The following GOLM2 variants were observed in gnomAD, a reference collection of about 807,000 sequenced individuals.
The protein encoded by GOLM2 is golgi membrane protein 2.
GOLM2 carries 26 observed loss-of-function variants against 55.9 expected under a neutral mutation model. That is an observed-to-expected ratio of 0.47 (90% CI 0.34 to 0.65). The LOEUF is 0.65. GOLM2 is among the 30% of genes least tolerant of loss of function. The pLI is 0.01. For synonymous variants in GOLM2, 165 were observed against 194.6 expected, an observed-to-expected ratio of 0.85 and a Z score of 1.27; for missense variants, 486 against 531.8, an observed-to-expected ratio of 0.91 and a Z score of 0.85.
intron 8 of GOLM2, chr15:44,387,287 T>C (rs540555337): frequency 6.6e-6 from 1 of 152,176 alleles, no homozygotes; most frequent in East Asian, 1.9e-4. Flanking sequence ...AAATATGGGA[T>C]GTCTTTCCAT....
chr15:44,325,873 G>GT (rs1175735879), intron 2 of GOLM2, among the ~76,000 whole-genome samples: 1 of 152,138 alleles, frequency 6.6e-6, no homozygotes, highest in African/African-American at 2.4e-5. Context: ...AGCTGAAAGG[G>GT]TTTTTTATGG....
At position 44,344,154 on chromosome 15, in the gene GOLM2, G is replaced by A. The variant is rs999981979; in HGVS notation, c.802+5837G>A. 2.0e-5 allele frequency among the ~76,000 whole-genome samples: 3 copies of A among 151,656 alleles called. No homozygotes were observed. The South Asian group carries it at 6.3e-4, about 32-fold the overall frequency. On this transcript the variant is annotated intron_variant, in intron 6 of 9. Coordinates refer to ENST00000299957, the MANE Select transcript of GOLM2 (RefSeq NM_138423.4). ...ACACGCCTGTAGTCTCAGCTACTCA[G>A]GAGGCTAAAGTGAGAGAACTGCTTG...
At chr15:44,396,437 C>CT (rs550265744) in intron 8 of GOLM2, among the ~76,000 whole-genome samples, 61 of 152,204 alleles carry the variant, frequency 4.0e-4, no homozygotes, top group Middle Eastern at 6.8e-3. Flanking sequence ...TTAACATTTG[C>CT]TTTCTCATAC....
intron 9 of GOLM2, among the ~76,000 whole-genome samples, chr15:44,408,731 C>T (rs1595671326): frequency 6.6e-6 from 1 of 152,292 alleles, no homozygotes; most frequent in Non-Finnish European, 1.5e-5. Flanking sequence ...GTAATCCCAG[C>T]ATTTTGGGAG....
chr15:44,311,191 T>A (rs1469881351), intron 1 of GOLM2, among the ~76,000 whole-genome samples: 1 of 152,210 alleles, frequency 6.6e-6, no homozygotes, highest in Non-Finnish European at 1.5e-5. Context: ...TTCTTATAGA[T>A]TATGCCACTG....
rs2078961013 is a variant in GOLM2 at position 44,322,964 on chromosome 15, G to A, written c.328-1G>A. 1 of 1,562,866 alleles carries A rather than the reference G, an allele frequency of 6.4e-7. No homozygotes were observed. The highest frequency in any genetic ancestry group is 8.6e-7 in the Non-Finnish European group (1 of 1,158,228). On this transcript the variant is annotated splice_acceptor_variant, in intron 1 of 9. Coordinates refer to ENST00000299957, the MANE Select transcript of GOLM2 (RefSeq NM_138423.4). LOFTEE classifies it high-confidence loss of function. ...AAAATGAGAACTTAATTTTTTTTCAGGTTAAACTACAGAACAACATATCGT... is the reference window on the plus strand; with the variant it reads ...AAAATGAGAACTTAATTTTTTTTCAAGTTAAACTACAGAACAACATATCGT...
At chr15:44,336,522 G>A (rs903058239) in intron 4 of GOLM2, among the ~76,000 whole-genome samples, 3 of 152,202 alleles carry the variant, frequency 2.0e-5, no homozygotes, top group Admixed American at 6.5e-5. Flanking sequence ...TATGAGACAC[G>A]ATGCAAATAT....
chr15:44,359,681 A>C (rs1198346218), intron 6 of GOLM2, among the ~76,000 whole-genome samples: 3 of 152,234 alleles, frequency 2.0e-5, no homozygotes, highest in Admixed American at 2.0e-4. Flanking sequence ...GCCAACATTC[A>C]GATTCAGGAA....
At chr15:44,306,633 A>G (rs2078839073) in intron 1 of GOLM2, among the ~76,000 whole-genome samples, 1 of 152,136 alleles carries the variant, frequency 6.6e-6, no homozygotes, top group Non-Finnish European at 1.5e-5. Flanking sequence ...TATGTTCTTG[A>G]CGTGCCCTTT....
Position 44,338,309 on chromosome 15 carries a change from T to C in GOLM2, c.794T>C (p.Leu265Pro). 1 of 1,611,954 alleles carries C rather than the reference T, an allele frequency of 6.2e-7. No homozygotes were observed. Among genetic ancestry groups the C allele is most frequent in the South Asian group, 1.1e-5 (1 of 90,986 alleles). ...AATGACCTAGCAAAAGTTGATGATC[T>C]TCCCCCTGGTAAGTAAAAATTGTTA... ...EENDLAKVDD[L>P]PPALRKPPIS... Residue 265 changes from leucine to proline, a missense_variant, in exon 6 of 10, where the codon CTT becomes CCT. By Grantham distance (98) the Leu-to-Pro change is moderately conservative. Coordinates refer to ENST00000299957, the MANE Select transcript of GOLM2 (RefSeq NM_138423.4).
At chr15:44,387,859 A>G (rs1009437745) in intron 8 of GOLM2, among the ~76,000 whole-genome samples, 1 of 151,918 alleles carries the variant, frequency 6.6e-6, no homozygotes, top group African/African-American at 2.4e-5. Flanking sequence ...TTATTTGTAT[A>G]TATTCAAGCA....
rs143868548 is a variant in GOLM2 at position 44,328,777 on chromosome 15, G to C, written c.475G>C (p.Glu159Gln). 126 of 1,597,366 alleles carry C rather than the reference G, an allele frequency of 7.9e-5. No individual in the cohort carries two copies. In the African/African-American group the frequency reaches 1.7e-3, roughly 21 times the overall value. Residue 159 changes from glutamate to glutamine, a missense_variant, in exon 3 of 10, where the codon GAA becomes CAA. Coordinates refer to ENST00000299957, the MANE Select transcript of GOLM2 (RefSeq NM_138423.4). ...CAATACTTACCTTGTGAAGAGGTTA[G>C]AATATGAAAGGTAAGATGTTACATG... The part of the protein sequence containing the change: ...KNNTYLVKRL[E>Q]YESFQCGQQM...
chr15:44,391,456 G>C (rs2079488723), intron 8 of GOLM2, among the ~76,000 whole-genome samples: 1 of 151,650 alleles, frequency 6.6e-6, no homozygotes, highest in East Asian at 1.9e-4. Context: ...GGTGGAGGTT[G>C]CAGTGAGCCA....
intron 4 of GOLM2, among the ~76,000 whole-genome samples, chr15:44,335,376 T>C (rs1298358257): frequency 6.6e-6 from 1 of 152,210 alleles, no homozygotes; most frequent in Non-Finnish European, 1.5e-5. Flanking sequence ...TTTATTAATA[T>C]TAATATTGTC....
chr15:44,402,055 A>G (rs553242748), intron 8 of GOLM2, among the ~76,000 whole-genome samples: 4 of 151,090 alleles, frequency 2.6e-5, no homozygotes, highest in South Asian at 2.1e-4. Context: ...GTCTCGAACT[A>G]CTGACCTCAG....
chr15:44,309,707 A>G (rs1352898824), intron 1 of GOLM2, among the ~76,000 whole-genome samples: 1 of 152,220 alleles, frequency 6.6e-6, no homozygotes, highest in East Asian at 1.9e-4. Flanking sequence ...TTAACACTTT[A>G]TCTCTGGCAT....
chr15:44,390,452 G>T (rs1429007397), intron 8 of GOLM2: 2 of 152,140 alleles, frequency 1.3e-5, no homozygotes, highest in African/African-American at 2.4e-5. Flanking sequence ...TGGCTTTTCT[G>T]TATAGCAGCA....
chr15:44,319,827 G>A (rs2063125871), intron 1 of GOLM2, among the ~76,000 whole-genome samples: 1 of 152,182 alleles, frequency 6.6e-6, no homozygotes, highest in South Asian at 2.1e-4. Flanking sequence ...GGCCTCAGGT[G>A]ATCTGCCTGC....
At chr15:44,327,945 A>G (rs2078996049) in intron 2 of GOLM2, among the ~76,000 whole-genome samples, 1 of 152,258 alleles carries the variant, frequency 6.6e-6, no homozygotes, top group African/African-American at 2.4e-5. Flanking sequence ...CTAGAAATGT[A>G]TCTAAAGTGA....
Sources: allele counts gnomAD v4.1 joint callset (sites outside exome capture counted in the v4.1 genomes callset), GRCh38; gene constraint gnomAD v4.1.1; transcripts MANE v1.5; gene names NCBI Gene and HGNC (gene_info 2026-07-23, HGNC 2026-07-21).